The following SYNJ2 variants were observed in gnomAD, a reference collection of about 807,000 sequenced individuals.
SYNJ2 encodes synaptojanin 2.
Under a neutral mutation model 141.3 loss-of-function variants are expected in SYNJ2, and 116 were observed. That is an observed-to-expected ratio of 0.82 (90% CI 0.71 to 0.96). SYNJ2 has a LOEUF of 0.96. Ranked by LOEUF, SYNJ2 falls within the 40% of genes least tolerant of loss-of-function variation. The probability of loss-of-function intolerance (pLI) is 0.00; values close to 1 mark genes in which losing one functional copy is unlikely to be tolerated. For synonymous variants in SYNJ2, 745 were observed against 777.7 expected (o/e 0.96, Z 0.70); for missense variants, 1,873 against 1,934.8 (o/e 0.97, Z 0.60).
rs774573222 is a variant in SYNJ2 at position 158,040,138 on chromosome 6, ATCT to A, written c.712-3173_712-3171del. On this transcript the variant is annotated intron_variant, in intron 4 of 26. Coordinates refer to ENST00000355585, the MANE Select transcript of SYNJ2 (RefSeq NM_003898.4). This position sits in a 1 kb window ranked among gnomAD's most constrained non-coding sequence, Gnocchi z 4.2. ...ACATGTTTCCTAGGAGGAATAATTA[ATCT>A]TCTTTCTCTGAGGCAGGCTGTGTGT... Among the ~76,000 whole-genome samples, 2 of 152,116 alleles carry A rather than the reference ATCT, an allele frequency of 1.3e-5. No homozygotes were observed. The highest frequency in any genetic ancestry group is 4.2e-4 in the South Asian group (2 of 4,804).
chr6:158,044,458 A>G (rs1780128159), intron 5 of SYNJ2, among the ~76,000 whole-genome samples: 1 of 152,148 alleles, frequency 6.6e-6, no homozygotes, highest in Admixed American at 6.5e-5. Flanking sequence ...GGTAGGGAGA[A>G]AAGTCTTGAT....
chr6:158,055,553 T>A (rs369349138), intron 6 of SYNJ2, among the ~76,000 whole-genome samples: 6 of 150,772 alleles, frequency 4.0e-5, no homozygotes, highest in African/African-American at 1.5e-4. Context: ...ATACACAAAT[T>A]GGATCATAAC....
intron 1 of SYNJ2, among the ~76,000 whole-genome samples, chr6:157,988,171 G>A (rs1038545816): frequency 1.3e-5 from 2 of 152,226 alleles, no homozygotes; most frequent in East Asian, 1.9e-4. Flanking sequence ...AGGCCCGGGC[G>A]TTGGGGTGGC....
At position 158,097,563 on chromosome 6, in the gene SYNJ2, T is replaced by G. The variant is rs150860579; in HGVS notation, c.*1199T>G. The G allele has an allele frequency of 6.6e-6, 1 of 152,198 alleles. No homozygotes were observed. The allele number at this position is 152,198 out of a possible 1,614,324, so 9.4% of individuals were successfully genotyped here. On this transcript the variant is annotated 3_prime_UTR_variant, in exon 27 of 27. Transcript: ENST00000355585. ...TAGTGAAATCTTACTGTACCGCCTG[T>G]TGTATCTGGGAGCCTCGTACAGAGG... is the stretch of plus-strand genomic sequence containing the variant.
At chr6:157,983,459 G>A (rs1183868967) in intron 1 of SYNJ2, among the ~76,000 whole-genome samples, 5 of 152,140 alleles carry the variant, frequency 3.3e-5, no homozygotes, top group African/African-American at 4.8e-5. Context: ...CACATTTATC[G>A]GAAGCGAAAG....
intron 1 of SYNJ2, among the ~76,000 whole-genome samples, chr6:157,997,488 A>G (rs1450941652): frequency 6.6e-6 from 1 of 152,196 alleles, no homozygotes; most frequent in Non-Finnish European, 1.5e-5. Flanking sequence ...GATGGGAGTG[A>G]CACTGCCGCA....
intron 1 of SYNJ2, among the ~76,000 whole-genome samples, chr6:158,002,816 C>T (rs1027606033): frequency 1.3e-5 from 2 of 152,244 alleles, no homozygotes; most frequent in African/African-American, 4.8e-5. Flanking sequence ...TAAGGAACTG[C>T]CCATTGTGCT....
At chr6:158,050,927 A>T (rs1402645925) in intron 5 of SYNJ2, among the ~76,000 whole-genome samples, 2 of 151,750 alleles carry the variant, frequency 1.3e-5, no homozygotes, top group Admixed American at 1.3e-4. Flanking sequence ...CCTTTCCATG[A>T]CACCCAATGG....
chr6:158,074,571 T>C lies in SYNJ2; in HGVS notation c.2134-9T>C. 6.2e-7 allele frequency: 1 copy of C among 1,608,208 alleles called. No homozygotes were observed. The highest frequency in any genetic ancestry group is 2.2e-5 in the East Asian group (1 of 44,788). ...GGGCTGAATGATTATGATTTTCTTT[T>C]CAACTTAGGGGAGAAATGTTTTTTC... is the stretch of plus-strand genomic sequence containing the variant. On this transcript the variant is annotated splice_polypyrimidine_tract_variant and intron_variant, in intron 15 of 26. Coordinates refer to ENST00000355585, the MANE Select transcript of SYNJ2 (RefSeq NM_003898.4).
rs35729179 is a variant in SYNJ2, at chr6:158,040,227, A to ATGT, written c.712-3088_712-3086dup. On this transcript the variant is annotated intron_variant, in intron 4 of 26. Coordinates refer to ENST00000355585, the MANE Select transcript of SYNJ2 (RefSeq NM_003898.4). The surrounding 1 kb of genome is among the most constrained non-coding windows in gnomAD (Gnocchi z 4.2). Reference sequence around the variant, plus strand: ...TGGTATGTGCATTTATGTGTTGTACATGTGTGTATGTGTCATGTGCATTGT... The same window carrying ATGT: ...TGGTATGTGCATTTATGTGTTGTACATGTTGTGTGTATGTGTCATGTGCATTGT... Among the ~76,000 whole-genome samples, 12,059 of 151,952 alleles carry ATGT rather than the reference A, an allele frequency of 0.079. 1,613 individuals carry two copies. Among genetic ancestry groups the ATGT allele is most frequent in the African/African-American group, 0.28 (11,463 of 41,378 alleles).
In SYNJ2 at chr6:158,013,226, C is replaced by CA. The variant is rs1329714437; in HGVS notation, c.128-3972dup. Reference sequence around the variant, plus strand: ...CGAAATGCCGTCCCTACTAAAACTACAAAAAATAGCTGGGTATGGTGGCGC... The same window carrying CA: ...CGAAATGCCGTCCCTACTAAAACTACAAAAAAATAGCTGGGTATGGTGGCGC... On this transcript the variant is annotated intron_variant, in intron 1 of 26. Transcript: ENST00000355585. Among the ~76,000 whole-genome samples the CA allele has an allele frequency of 5.3e-5, 8 of 152,106 alleles. 1 individual carries two copies. In the South Asian group the frequency reaches 1.2e-3, roughly 24 times the overall value.
intron 23 of SYNJ2, among the ~76,000 whole-genome samples, chr6:158,088,060 TTTTTTTTTTTTTTTTTTTG>T (rs1783192457): frequency 1.3e-5 from 1 of 74,910 alleles, no homozygotes; most frequent in African/African-American, 4.9e-5. Flanking sequence ...TTTTTTTTTT[TTTTTTTTTTTTTTTTTTTG>T]AGATGGGCTC....
At chr6:158,033,134 C>T (rs1190205732) in intron 3 of SYNJ2, among the ~76,000 whole-genome samples, 1 of 152,200 alleles carries the variant, frequency 6.6e-6, no homozygotes, top group Non-Finnish European at 1.5e-5. Flanking sequence ...TGCGATTCCC[C>T]GAAAAGTGCA....
rs762178971 is a variant in SYNJ2, at chr6:158,071,594, T to C, written c.1941-8T>C. 1 of 1,613,044 alleles carries C rather than the reference T, an allele frequency of 6.2e-7. No homozygotes were observed. The highest frequency in any genetic ancestry group is 1.7e-5 in the Admixed American group (1 of 59,870). On this transcript the variant is annotated splice_region_variant and splice_polypyrimidine_tract_variant and intron_variant, in intron 14 of 26. Coordinates refer to ENST00000355585, the MANE Select transcript of SYNJ2 (RefSeq NM_003898.4). The surrounding 1 kb of genome is among the most constrained non-coding windows in gnomAD (Gnocchi z 4.3). Reference sequence around the variant, plus strand: ...AGCCGACGGCATGCGCGTATCCTTCTGTTCCAGGGACGTAGCCATCGACAC... The same window carrying C: ...AGCCGACGGCATGCGCGTATCCTTCCGTTCCAGGGACGTAGCCATCGACAC...
intron 18 of SYNJ2, chr6:158,079,383 C>A (rs1015664577): frequency 1.7e-5 from 2 of 120,174 alleles, no homozygotes; most frequent in African/African-American, 3.9e-5. Flanking sequence ...AACGAAAAAA[C>A]CTTTTTTTTT....
chr6:157,984,022 A>G (rs1022110708), intron 1 of SYNJ2, among the ~76,000 whole-genome samples: 2 of 151,572 alleles, frequency 1.3e-5, no homozygotes, highest in African/African-American at 4.9e-5. Context: ...CTTTTCTTTA[A>G]ATGGGGTCTT....
intron 2 of SYNJ2, among the ~76,000 whole-genome samples, chr6:158,024,943 T>C (rs1778961962): frequency 6.6e-6 from 1 of 152,224 alleles, no homozygotes; most frequent in Non-Finnish European, 1.5e-5. Context: ...CACAATATAT[T>C]ATTTACAGGC....
At position 158,098,631 on chromosome 6, in the gene SYNJ2, T is replaced by A. The variant is rs554087964; in HGVS notation, c.*2267T>A. ...ATTCCCAGGTCAGCAGCAGGGTTGA[T>A]TAAATAATCTTGACAATGAGCAGCT... On this transcript the variant is annotated 3_prime_UTR_variant, in exon 27 of 27. Transcript: ENST00000355585. 6.6e-6 allele frequency: 1 copy of A among 152,198 alleles called. No individual in the cohort carries two copies. The highest frequency in any genetic ancestry group is 2.1e-4 in the South Asian group (1 of 4,836). The allele number at this position is 152,198 out of a possible 1,614,324, so 9.4% of individuals were successfully genotyped here. A position where few individuals can be genotyped will look rare whatever the true frequency, so the allele number is the denominator to read the frequency against.
At position 158,083,757 on chromosome 6, in the gene SYNJ2, A is replaced by G. The variant is rs551295821; in HGVS notation, c.3034+160A>G. On this transcript the variant is annotated intron_variant, in intron 21 of 26. Transcript: ENST00000355585. The stretch of plus-strand genomic sequence containing the variant: ...ATGAGCATGTTTGTATGTGTGGACG[A>G]TGCATGCCATGCTACCTGGGACCCG... 3.3e-5 allele frequency among the ~76,000 whole-genome samples: 5 copies of G among 152,290 alleles called. No individual in the cohort carries two copies. The East Asian group carries it at 7.7e-4, about 24-fold the overall frequency.
Sources: gnomAD v4.1 joint callset for allele counts (sites outside exome capture counted in the v4.1 genomes callset) on GRCh38, gnomAD v4.1.1 for gene constraint, Gnocchi (gnomAD v3.1) non-coding constraint, MANE v1.5 for transcripts, NCBI Gene and HGNC (gene_info 2026-07-23, HGNC 2026-07-21) for gene names.